The following TRPS1 variants were observed in gnomAD, a reference collection of about 807,000 sequenced individuals.
TRPS1 encodes the protein zinc finger transcription factor Trps1.
In TRPS1, 6 loss-of-function variants were observed where a neutral mutation model predicts 101.2. The ratio of observed to expected loss-of-function variants is 0.06; its 90% CI spans 0.03 to 0.12. The LOEUF (loss-of-function observed/expected upper bound fraction) is 0.12. TRPS1 is among the 10% of genes least tolerant of loss of function. The pLI is 1.00. For synonymous variants in TRPS1, 578 were observed against 589.8 expected (o/e 0.98, Z 0.29); for missense variants, 1,363 against 1,567.0 (o/e 0.87, Z 2.20).
At chr8:115,651,166 A>G (rs762373634) in intron 1 of TRPS1, among the ~76,000 whole-genome samples, 1 of 152,210 alleles carries the variant, frequency 6.6e-6, no homozygotes, top group South Asian at 2.1e-4. Context: ...CTCACATATA[A>G]TATCAGTAAA....
At chr8:115,471,521 C>A (rs892706715) in intron 5 of TRPS1, among the ~76,000 whole-genome samples, 3 of 152,102 alleles carry the variant, frequency 2.0e-5, no homozygotes, top group Non-Finnish European at 2.9e-5. Context: ...AGGGATATAG[C>A]CATACCATAT....
intron 5 of TRPS1, among the ~76,000 whole-genome samples, chr8:115,437,201 A>G (rs1297896499): frequency 6.6e-6 from 1 of 152,216 alleles, no homozygotes; most frequent in Non-Finnish European, 1.5e-5. Context: ...AAGCCACACT[A>G]TGAGGAAGTA....
intron 1 of TRPS1, chr8:115,668,110 C>T (rs2130643664): frequency 1.7e-6 from 1 of 603,514 alleles, no homozygotes; most frequent in East Asian, 2.8e-5. Context: ...TGTTTTTCCT[C>T]CTCCCCGGCG....
At chr8:115,633,034 G>A (rs977505566) in intron 1 of TRPS1, among the ~76,000 whole-genome samples, 5 of 152,126 alleles carry the variant, frequency 3.3e-5, no homozygotes, top group African/African-American at 1.2e-4. Context: ...CAGAGAGCAT[G>A]GAGTAATATA....
intron 5 of TRPS1, among the ~76,000 whole-genome samples, chr8:115,466,728 C>T (rs1262084875): frequency 6.6e-6 from 1 of 152,060 alleles, no homozygotes; most frequent in African/African-American, 2.4e-5. Context: ...CATGTCCCTC[C>T]CATTTTACAA....
At chr8:115,457,344 T>G (rs892752116) in intron 5 of TRPS1, among the ~76,000 whole-genome samples, 1 of 152,086 alleles carries the variant, frequency 6.6e-6, no homozygotes, top group Non-Finnish European at 1.5e-5. Context: ...TTATGTTAAG[T>G]GAAATAAGGC....
intron 5 of TRPS1, among the ~76,000 whole-genome samples, chr8:115,462,585 A>C (rs1415179845): frequency 6.6e-6 from 1 of 151,988 alleles, no homozygotes; most frequent in Non-Finnish European, 1.5e-5. Flanking sequence ...TCCACAAACA[A>C]AACTTTACAA....
chr8:115,414,136 A>G lies in TRPS1; in HGVS notation c.3772T>C (p.Cys1258Arg), dbSNP rs1319979538. Residue 1258 changes from cysteine to arginine, a missense_variant, in exon 7 of 7, where the codon TGC becomes CGC. Physicochemically the swap from Cys to Arg is radical, Grantham distance 180 (BLOSUM62 -3). Transcript: ENST00000395715. This position sits in a 1 kb window ranked among gnomAD's most constrained non-coding sequence, Gnocchi z 4.8. ...SCHGDSGPFQ[C>R]SICQHLCTDK... ...GTGCAAAGATGCTGGCATATGCTGC[A>G]CTGGAAAGGTCCACTGTCACCATGG... The G allele has an allele frequency of 6.2e-7, 1 of 1,613,988 alleles. No homozygotes were observed. The highest frequency in any genetic ancestry group is 2.2e-5 in the East Asian group (1 of 44,846).
intron 1 of TRPS1, among the ~76,000 whole-genome samples, chr8:115,647,389 G>A (rs760403907): frequency 5.3e-5 from 8 of 152,214 alleles, no homozygotes; most frequent in African/African-American, 1.4e-4. Flanking sequence ...AGGGATCCAC[G>A]TATAGCTACT....
intron 3 of TRPS1, among the ~76,000 whole-genome samples, chr8:115,609,963 T>C (rs1818126130): frequency 6.6e-6 from 1 of 152,210 alleles, no homozygotes; most frequent in Admixed American, 6.5e-5. Flanking sequence ...CCCAATAATA[T>C]GGAGCAAAAG....
At chr8:115,531,799 A>G (rs1306674148) in intron 5 of TRPS1, among the ~76,000 whole-genome samples, 1 of 152,162 alleles carries the variant, frequency 6.6e-6, no homozygotes, top group Non-Finnish European at 1.5e-5. Flanking sequence ...AAAGACCAGT[A>G]AAAGGATCGC....
chr8:115,582,394 C>T (rs1290119370), intron 5 of TRPS1, among the ~76,000 whole-genome samples: 1 of 152,082 alleles, frequency 6.6e-6, no homozygotes, highest in African/African-American at 2.4e-5. Flanking sequence ...ATAGTCTGTC[C>T]GGTATCAACA....
intron 5 of TRPS1, among the ~76,000 whole-genome samples, chr8:115,576,184 AT>A (rs2130412751): frequency 6.6e-6 from 1 of 152,122 alleles, no homozygotes; most frequent in African/African-American, 2.4e-5. Context: ...AAATAATACA[AT>A]TTTTGAAGCT....
intron 4 of TRPS1, among the ~76,000 whole-genome samples, chr8:115,592,047 C>G (rs963388855): frequency 6.6e-6 from 1 of 152,046 alleles, no homozygotes; most frequent in South Asian, 2.1e-4. Context: ...TAACTACTGA[C>G]GATATGCCAA....
intron 5 of TRPS1, chr8:115,492,044 C>G: frequency 2.7e-6 from 1 of 374,770 alleles, no homozygotes; most frequent in Non-Finnish European, 5.3e-6. Context: ...TAATTTCAAA[C>G]TAACTCTCAC....
chr8:115,452,507 A>G (rs1332724891), intron 5 of TRPS1, among the ~76,000 whole-genome samples: 1 of 152,248 alleles, frequency 6.6e-6, no homozygotes, highest in Non-Finnish European at 1.5e-5. Context: ...TGGTATGTCA[A>G]ATTAATTCTG....
chr8:115,517,460 G>GAA (rs1391512385), intron 5 of TRPS1, among the ~76,000 whole-genome samples: 11 of 151,540 alleles, frequency 7.3e-5, no homozygotes, highest in African/African-American at 2.7e-4. Context: ...GAGAGAGAGA[G>GAA]AAAGAGAGAG....
At chr8:115,472,148 G>A (rs189514885) in intron 5 of TRPS1, among the ~76,000 whole-genome samples, 1 of 152,334 alleles carries the variant, frequency 6.6e-6, no homozygotes, top group East Asian at 1.9e-4. Context: ...CATTGCCCTA[G>A]CAGAGGTTCT....
intron 5 of TRPS1, among the ~76,000 whole-genome samples, chr8:115,508,473 T>C (rs1452830540): frequency 1.3e-5 from 2 of 152,070 alleles, no homozygotes; most frequent in African/African-American, 2.4e-5. Context: ...AGTAAATTTC[T>C]CTAATGCTCC....
Sources: allele counts gnomAD v4.1 joint callset (sites outside exome capture counted in the v4.1 genomes callset), GRCh38; gene constraint gnomAD v4.1.1; non-coding constraint Gnocchi (gnomAD v3.1); transcripts MANE v1.5; gene names NCBI Gene and HGNC (gene_info 2026-07-23, HGNC 2026-07-21).